MAD1L1: variants seen among roughly 807,000 people sequenced by gnomAD.
The protein encoded by MAD1L1 is mitotic arrest deficient 1 like 1.
MAD1L1 carries 95 observed loss-of-function variants against 96.9 expected under a neutral mutation model. The observed-to-expected ratio is 0.98, with a 90% confidence interval of 0.83 to 1.16. The LOEUF (loss-of-function observed/expected upper bound fraction) is 1.16. Among genes scored for constraint, MAD1L1 ranks in the 50% most tolerant of loss-of-function variants. The pLI, the probability that MAD1L1 is intolerant of heterozygous loss-of-function variation, is 0.00. For missense variants in MAD1L1, 1,007 were observed against 954.4 expected (o/e 1.06, Z -0.73); for synonymous variants, 473 against 396.6 (o/e 1.19, Z -2.29).
In MAD1L1 at chr7:2,232,874, C is replaced by G. The variant is rs1001623645; in HGVS notation, c.-192G>C. 12 of 152,300 alleles carry G rather than the reference C, an allele frequency of 7.9e-5. No individual in the cohort carries two copies. Among genetic ancestry groups the G allele is most frequent in the African/African-American group, 2.7e-4 (11 of 41,440 alleles). The allele number at this position is 152,300 out of a possible 1,614,324, so 9.4% of individuals were successfully genotyped here. A position where few individuals can be genotyped will look rare whatever the true frequency, so the allele number is the denominator to read the frequency against. On this transcript the variant is annotated splice_region_variant and 5_prime_UTR_variant, in exon 1 of 19. The change abolishes the stop of an existing upstream ORF in the 5' untranslated region. Transcript: ENST00000265854. ...CCCGCGCGAGCCGGGCCGCTTACCT[C>G]AGCCGCTCGCAGCCAGCTTGCCGCC...
chr7:2,071,405 C>T (rs965381242), intron 11 of MAD1L1, among the ~76,000 whole-genome samples: 7 of 152,226 alleles, frequency 4.6e-5, no homozygotes, highest in Non-Finnish European at 1.0e-4. Context: ...GTCCAGGACG[C>T]GGGCGTCTCA....
chr7:2,013,553 T>C (rs1310354275), intron 13 of MAD1L1, among the ~76,000 whole-genome samples: 2 of 152,164 alleles, frequency 1.3e-5, no homozygotes, highest in East Asian at 3.9e-4. Flanking sequence ...ACCCACTCCA[T>C]AGGATACGGT....
At position 1,977,360 on chromosome 7, in the gene MAD1L1, G is replaced by T. The variant is rs1180196978; in HGVS notation, c.1505+3093C>A. Among the ~76,000 whole-genome samples the T allele has an allele frequency of 2.0e-5, 3 of 152,372 alleles. No individual in the cohort carries two copies. In the South Asian group the frequency reaches 6.2e-4, roughly 32 times the overall value. On this transcript the variant is annotated intron_variant, in intron 15 of 18. Coordinates refer to ENST00000265854, the MANE Select transcript of MAD1L1 (RefSeq NM_001013836.2). ...ACCCTCCGCAGCTGCTGGCCCAGGTGCTAAGCCCCTCACTGCCCGGGGCCG... is the reference window on the plus strand; with the variant it reads ...ACCCTCCGCAGCTGCTGGCCCAGGTTCTAAGCCCCTCACTGCCCGGGGCCG...
intron 10 of MAD1L1, among the ~76,000 whole-genome samples, chr7:2,201,361 G>A (rs1481446428): frequency 2.0e-5 from 3 of 151,938 alleles, no homozygotes; most frequent in Admixed American, 6.6e-5. Flanking sequence ...TCCATTCCAC[G>A]CCAGGGCACC....
At chr7:2,063,160 A>G (rs1447961827) in intron 12 of MAD1L1, among the ~76,000 whole-genome samples, 1 of 152,136 alleles carries the variant, frequency 6.6e-6, no homozygotes, top group Non-Finnish European at 1.5e-5. Context: ...AGCTGTATGT[A>G]TATGTTCTAT....
chr7:2,086,053 TGCCC>T (rs1472715280), intron 11 of MAD1L1, among the ~76,000 whole-genome samples: 2 of 152,132 alleles, frequency 1.3e-5, no homozygotes, highest in Non-Finnish European at 2.9e-5. Flanking sequence ...AATCCCACCC[TGCCC>T]GGGAGGACTC....
chr7:1,905,245 G>C (rs1391449085), intron 17 of MAD1L1, among the ~76,000 whole-genome samples: 1 of 98,802 alleles, frequency 1.0e-5, no homozygotes, highest in Non-Finnish European at 2.3e-5. Context: ...CAGGCAGCGA[G>C]GACGCAGTGG....
chr7:2,005,820 T>C (rs1677058206), intron 13 of MAD1L1, among the ~76,000 whole-genome samples: 1 of 152,014 alleles, frequency 6.6e-6, no homozygotes, highest in South Asian at 2.1e-4. Context: ...AAAACGAAGA[T>C]GTAAAACAAA....
At chr7:2,228,376 A>G (rs1794017838) in intron 3 of MAD1L1, among the ~76,000 whole-genome samples, 1 of 151,942 alleles carries the variant, frequency 6.6e-6, no homozygotes. Flanking sequence ...CTCCTGCCTC[A>G]GCCTCCCGAG....
At chr7:1,858,354 G>C (rs184687032) in intron 18 of MAD1L1, among the ~76,000 whole-genome samples, 3 of 152,252 alleles carry the variant, frequency 2.0e-5, no homozygotes, top group Non-Finnish European at 4.4e-5. Context: ...CATGACAGGG[G>C]ATGAATGGCT....
chr7:1,947,006 G>A (rs879434708), intron 16 of MAD1L1, among the ~76,000 whole-genome samples: 2 of 152,182 alleles, frequency 1.3e-5, no homozygotes, highest in African/African-American at 4.8e-5. Flanking sequence ...TGTGAGTTCC[G>A]CCCCTAACTC....
At chr7:1,891,026 C>T (rs993450212) in intron 18 of MAD1L1, among the ~76,000 whole-genome samples, 14 of 152,126 alleles carry the variant, frequency 9.2e-5, no homozygotes, top group African/African-American at 3.4e-4. Context: ...GCGGGCTCTG[C>T]GCCACCTCCC....
chr7:2,159,189 G>C (rs1789981949), intron 10 of MAD1L1, among the ~76,000 whole-genome samples: 1 of 152,222 alleles, frequency 6.6e-6, no homozygotes, highest in African/African-American at 2.4e-5. Flanking sequence ...TCGTCACGCT[G>C]TGACTCCCAC....
At chr7:1,945,075 G>A (rs1779166815) in intron 16 of MAD1L1, among the ~76,000 whole-genome samples, 2 of 152,158 alleles carry the variant, frequency 1.3e-5, no homozygotes, top group South Asian at 4.1e-4. Flanking sequence ...CGCTAGATGG[G>A]GGCTGCGAAG....
intron 16 of MAD1L1, among the ~76,000 whole-genome samples, chr7:1,939,372 G>A (rs951136010): frequency 4.7e-5 from 7 of 147,852 alleles, no homozygotes; most frequent in Non-Finnish European, 9.0e-5. Context: ...GCACACACAC[G>A]CACACACACG....
At chr7:2,133,383 T>C (rs888898383) in intron 11 of MAD1L1, among the ~76,000 whole-genome samples, 3 of 152,276 alleles carry the variant, frequency 2.0e-5, no homozygotes, top group African/African-American at 7.2e-5. Flanking sequence ...ACCCATTTTT[T>C]AATTGGGTGG....
chr7:2,223,111 A>G (rs1356337581), intron 4 of MAD1L1, among the ~76,000 whole-genome samples: 4 of 152,224 alleles, frequency 2.6e-5, no homozygotes, highest in African/African-American at 9.7e-5. Flanking sequence ...CTGAGCTTTC[A>G]TAGCACCAGC....
intron 12 of MAD1L1, among the ~76,000 whole-genome samples, chr7:2,034,807 T>C (rs1449225098): frequency 6.6e-6 from 1 of 152,236 alleles, no homozygotes; most frequent in African/African-American, 2.4e-5. Context: ...GCATGCCATG[T>C]TCTTGGTGCT....
At chr7:1,958,517 C>G (rs1338710669) in intron 15 of MAD1L1, among the ~76,000 whole-genome samples, 9 of 152,208 alleles carry the variant, frequency 5.9e-5, no homozygotes, top group Non-Finnish European at 1.5e-5. Context: ...GGCGTCCCAG[C>G]ACACCACAAC....
Sources: allele counts gnomAD v4.1 joint callset (sites outside exome capture counted in the v4.1 genomes callset), GRCh38; gene constraint gnomAD v4.1.1; transcripts MANE v1.5; gene names NCBI Gene and HGNC (gene_info 2026-07-23, HGNC 2026-07-21).